Variants in EVC observed in about 807,000 individuals in gnomAD.
EVC encodes EvC ciliary complex subunit 1.
In EVC, 116 loss-of-function variants were observed where a neutral mutation model predicts 118.9. The observed-to-expected ratio is 0.98, with a 90% confidence interval of 0.84 to 1.14. The LOEUF (loss-of-function observed/expected upper bound fraction) is 1.14. EVC is among the 50% of genes most tolerant of loss of function. The pLI is 0.00. For missense variants in EVC, 1,401 were observed against 1,246.4 expected, an observed-to-expected ratio of 1.12 and a Z score of -1.87; for synonymous variants, 619 against 534.7, an observed-to-expected ratio of 1.16 and a Z score of -2.18.
chr4:5,777,071 C>T (rs1034773884), intron 11 of EVC, among the ~76,000 whole-genome samples: 1 of 151,676 alleles, frequency 6.6e-6, no homozygotes, highest in African/African-American at 2.4e-5. Context: ...ACCTTATCTC[C>T]TCATGTGTCT....
intron 12 of EVC, 80 bp downstream of exon 12, chr4:5,783,844 A>C: frequency 7.6e-7 from 1 of 1,312,404 alleles, no homozygotes; most frequent in Non-Finnish European, 1.1e-6. Context: ...TCACGTCCTG[A>C]ACACCCACTA....
intron 11 of EVC, among the ~76,000 whole-genome samples, chr4:5,777,236 T>C (rs946945352): frequency 6.6e-6 from 1 of 152,190 alleles, no homozygotes; most frequent in African/African-American, 2.4e-5. Context: ...TAATTCAAAG[T>C]CAGGGCTTAA....
Position 5,754,217 on chromosome 4 carries a change from G to A in EVC, c.1464+284G>A, listed in dbSNP as rs1560344207. Among the ~76,000 whole-genome samples, 1 of 152,200 alleles carries A rather than the reference G, an allele frequency of 6.6e-6. No homozygotes were observed. The highest frequency in any genetic ancestry group is 6.5e-5 in the Admixed American group (1 of 15,284). The stretch of plus-strand genomic sequence containing the variant: ...GGCAGAGTGCAGACGCATGGCAGGA[G>A]CACACAGATGGTGGCAATGGCGTGA... On this transcript the variant is annotated intron_variant, in intron 10 of 20. Transcript: ENST00000264956. The surrounding 1 kb of genome is among the most constrained non-coding windows in gnomAD (Gnocchi z 5.8).
Position 5,742,726 on chromosome 4 carries a change from A to G in EVC, c.801+912A>G, listed in dbSNP as rs1728799374. Among the ~76,000 whole-genome samples the G allele has an allele frequency of 6.6e-6, 1 of 151,952 alleles. No individual in the cohort carries two copies. The highest frequency in any genetic ancestry group is 1.5e-5 in the Non-Finnish European group (1 of 68,014). Reference sequence around the variant, plus strand: ...TACCATCACCGCCATCATCATCTTCATTACCACCATAATCATCATCACCAT... The same window carrying G: ...TACCATCACCGCCATCATCATCTTCGTTACCACCATAATCATCATCACCAT... On this transcript the variant is annotated intron_variant, in intron 6 of 20. Coordinates refer to ENST00000264956, the MANE Select transcript of EVC (RefSeq NM_153717.3). This position sits in a 1 kb window ranked among gnomAD's most constrained non-coding sequence, Gnocchi z 5.2.
At chr4:5,825,705 G>C in the EVC span, 2 of 1,595,732 alleles carry the variant, frequency 1.3e-6, no homozygotes, top group Non-Finnish European at 1.7e-6. This position sits in a 1 kb window ranked among gnomAD's most constrained non-coding sequence, Gnocchi z 4.4. Context: ...CTGTGCATGT[G>C]TGCCCTTCTG....
chr4:5,729,747 A>G (rs1172436697), intron 3 of EVC, among the ~76,000 whole-genome samples: 1 of 152,154 alleles, frequency 6.6e-6, no homozygotes, highest in Non-Finnish European at 1.5e-5. Flanking sequence ...CTTACTGAAC[A>G]CTTATGTGGA....
rs1490957917 is a variant in EVC at position 5,755,721 on chromosome 4, T to C, written c.1465-543T>C. On this transcript the variant is annotated intron_variant, in intron 10 of 20. Transcript: ENST00000264956. This position sits in a 1 kb window ranked among gnomAD's most constrained non-coding sequence, Gnocchi z 4.1. ...CTGAGAAGGGTCTGTTCCTCTGTCC[T>C]TCTGCCCCACCTCGCCCCTCGCTGA... Among the ~76,000 whole-genome samples the C allele has an allele frequency of 1.3e-5, 2 of 152,184 alleles. No homozygotes were observed.
intron 2 of EVC, among the ~76,000 whole-genome samples, chr4:5,723,488 C>G (rs1198915313): frequency 2.6e-5 from 4 of 152,072 alleles, no homozygotes; most frequent in African/African-American, 4.8e-5. Flanking sequence ...CGCGCCTGGT[C>G]CTTTCCTTTT....
intron 5 of EVC, among the ~76,000 whole-genome samples, chr4:5,740,096 A>G (rs1728290204): frequency 6.6e-6 from 1 of 152,224 alleles, no homozygotes; most frequent in African/African-American, 2.4e-5. Context: ...AAGAACCTCA[A>G]CCTAAACTTC....
In EVC at chr4:5,711,341, G is replaced by GGCGGCGGGAT. The variant is rs1179494258; in HGVS notation, c.-31_-22dup. On this transcript the variant is annotated 5_prime_UTR_variant, in exon 1 of 21. The change creates a new upstream start codon in the 5' untranslated region. Coordinates refer to ENST00000264956, the MANE Select transcript of EVC (RefSeq NM_153717.3). ...CCGCCCTGGCGGGGACGGTGCAGCA[G>GGCGGCGGGAT]GCGGCGGGATGCGGCGGGGCGGCAG... The GGCGGCGGGAT allele has an allele frequency of 6.0e-6, 6 of 1,007,784 alleles. No homozygotes were observed. The highest frequency in any genetic ancestry group is 7.1e-6 in the Non-Finnish European group (6 of 845,626). The allele number at this position is 1,007,784 out of a possible 1,614,324, so 62.4% of individuals were successfully genotyped here.
intron 15 of EVC, among the ~76,000 whole-genome samples, chr4:5,799,130 C>A (rs1714515494): frequency 6.6e-6 from 1 of 152,120 alleles, no homozygotes; most frequent in Non-Finnish European, 1.5e-5. Flanking sequence ...GGATCGGAAC[C>A]CAAATCCCTC....
intron 15 of EVC, among the ~76,000 whole-genome samples, chr4:5,799,104 G>A (rs772371550): frequency 6.6e-6 from 1 of 152,162 alleles, no homozygotes; most frequent in African/African-American, 2.4e-5. Flanking sequence ...CACACAGCTG[G>A]TCAGTGGCAG....
At chr4:5,763,407 C>T (rs1202562645) in intron 11 of EVC, among the ~76,000 whole-genome samples, 1 of 148,016 alleles carries the variant, frequency 6.8e-6, no homozygotes, top group Non-Finnish European at 1.5e-5. Flanking sequence ...TCCATATGAA[C>T]TTTAAAGTAG....
chr4:5,741,033 G>T (rs1728486352), intron 5 of EVC, among the ~76,000 whole-genome samples: 1 of 152,180 alleles, frequency 6.6e-6, no homozygotes, highest in Non-Finnish European at 1.5e-5. Context: ...AAACGTTTTG[G>T]CAATTTCTTA....
intron 5 of EVC, among the ~76,000 whole-genome samples, chr4:5,736,522 T>TC (rs1560305582): frequency 6.6e-6 from 1 of 151,948 alleles, no homozygotes; most frequent in Non-Finnish European, 1.5e-5. Flanking sequence ...TTTTTTTTTT[T>TC]TTTACAAATT....
chr4:5,745,076 A>G, intron 6 of EVC, 128 bp from the exon 7 acceptor site: 1 of 885,476 alleles, frequency 1.1e-6, no homozygotes, highest in South Asian at 1.7e-5. Context: ...CAACCCCCAG[A>G]GCATTTAACT....
chr4:5,804,795 A>T lies in EVC; in HGVS notation c.2515A>T (p.Arg839Trp), dbSNP rs1002792571. 3 of 1,614,190 alleles carry T rather than the reference A, an allele frequency of 1.9e-6. No homozygotes were observed. Among genetic ancestry groups the T allele is most frequent in the Non-Finnish European group, 2.5e-6 (3 of 1,180,038 alleles). The change falls in exon 17 of 21, where the codon AGG becomes TGG. Residue 839 changes from arginine to tryptophan, a missense_variant. Arg to Trp is a moderately radical substitution (Grantham distance 101). Transcript: ENST00000264956. ...ACTCAGCAACCCTTCGTCGGGCAGC[A>T]GGACGGCAGGTGGCGCTCATGAGAC... is the stretch of plus-strand genomic sequence containing the variant. ...QELSNPSSGS[R>W]TAGGAHETSQ...
At chr4:5,823,686 C>A in the EVC span, among the ~76,000 whole-genome samples, 1 of 152,220 alleles carries the variant, frequency 6.6e-6, no homozygotes, top group African/African-American at 2.4e-5. Context: ...TCTCTGCACA[C>A]GCTAGCTCTC....
At chr4:5,739,294 T>C (rs1474469090) in intron 5 of EVC, among the ~76,000 whole-genome samples, 2 of 152,192 alleles carry the variant, frequency 1.3e-5, no homozygotes, top group African/African-American at 4.8e-5. Context: ...CAGTCTTCAG[T>C]GAGTAGAAAG....
Sources: allele counts gnomAD v4.1 joint callset (sites outside exome capture counted in the v4.1 genomes callset), GRCh38; gene constraint gnomAD v4.1.1; non-coding constraint Gnocchi (gnomAD v3.1); transcripts MANE v1.5; gene names NCBI Gene and HGNC (gene_info 2026-07-23, HGNC 2026-07-21).